Variants in MTRR observed in about 807,000 individuals in gnomAD.
MTRR encodes methionine synthase reductase.
In MTRR, 63 loss-of-function variants were observed where a neutral mutation model predicts 79.2. The ratio of observed to expected loss-of-function variants is 0.80; its 90% CI spans 0.65 to 0.98. The LOEUF is 0.98. Ranked by LOEUF, MTRR falls within the 50% of genes least tolerant of loss-of-function variation. The probability of loss-of-function intolerance (pLI) is 0.00; values close to 1 mark genes in which losing one functional copy is unlikely to be tolerated. For synonymous variants in MTRR, 355 were observed against 313.3 expected, an observed-to-expected ratio of 1.13 and a Z score of -1.41; for missense variants, 895 against 839.6, an observed-to-expected ratio of 1.07 and a Z score of -0.82.
rs1160859814 is a variant in MTRR at position 7,896,876 on chromosome 5, A to C, written c.1689A>C (p.Gln563His). 1 of 1,614,150 alleles carries C rather than the reference A, an allele frequency of 6.2e-7. No individual in the cohort carries two copies. The highest frequency in any genetic ancestry group is 8.5e-7 in the Non-Finnish European group (1 of 1,180,014). The change falls in exon 13 of 15, where the codon CAA becomes CAC. Residue 563 changes from glutamine (Q) to histidine (H), a missense_variant. Transcript: ENST00000440940. ...IGFLQHREKL[Q>H]EQHPDGNFGA... ...TTTTTCCACTTAGAGAGAAACTCCA[A>C]GAACAACACCCAGATGGAAATTTTG...
chr5:7,875,842 G>C (rs1323298480), intron 4 of MTRR, among the ~76,000 whole-genome samples: 1 of 152,370 alleles, frequency 6.6e-6, no homozygotes, highest in East Asian at 1.9e-4. Context: ...CTTACCGTCT[G>C]AACGGCCATT....
At chr5:7,859,380 A>G in intron 1 of MTRR, 1 of 1,097,930 alleles carries the variant, frequency 9.1e-7, no homozygotes, top group Non-Finnish European at 1.3e-6. Flanking sequence ...TTCTTTTAAT[A>G]CTGAGTTCCA....
At chr5:7,887,736 A>G (rs467102) in intron 8 of MTRR, among the ~76,000 whole-genome samples, 2 of 144,728 alleles carry the variant, frequency 1.4e-5, no homozygotes, top group Non-Finnish European at 3.0e-5. Flanking sequence ...GTATATGTGT[A>G]TATATATGTG....
intron 1 of MTRR, among the ~76,000 whole-genome samples, chr5:7,860,912 T>C (rs1201195348): frequency 2.0e-5 from 3 of 152,198 alleles, no homozygotes; most frequent in African/African-American, 7.2e-5. Flanking sequence ...GCAGCAAGAA[T>C]ATGTAACTGT....
Position 7,892,707 on chromosome 5 carries a change from T to C in MTRR, c.1371-20T>C, listed in dbSNP as rs1737810323. The stretch of plus-strand genomic sequence containing the variant: ...GTAGTACTGATATCGAGTTCAAAAC[T>C]TGTCTGTGTATCTTTGCAGCTCAAG... On this transcript the variant is annotated intron_variant, in intron 10 of 14. Transcript: ENST00000440940. The C allele has an allele frequency of 1.2e-6, 2 of 1,614,064 alleles. No homozygotes were observed. Among genetic ancestry groups the C allele is most frequent in the Non-Finnish European group, 1.7e-6 (2 of 1,179,906 alleles).
intron 5 of MTRR, 97 bp downstream of exon 5, chr5:7,878,419 A>G: frequency 6.7e-7 from 1 of 1,482,128 alleles, no homozygotes; most frequent in Non-Finnish European, 9.3e-7. Context: ...AGGTCAACAA[A>G]CTATGGCTTA....
At chr5:7,867,975 C>T (rs772372098), upstream of MTRR, 14 of 1,614,146 alleles carry the variant, frequency 8.7e-6, no homozygotes, top group South Asian at 1.3e-4. Flanking sequence ...CGCTCCTTGA[C>T]TACCTTGTGA....
intron 1 of MTRR, among the ~76,000 whole-genome samples, chr5:7,855,674 T>C (rs1746226153): frequency 6.6e-6 from 1 of 152,170 alleles, no homozygotes; most frequent in Non-Finnish European, 1.5e-5. Context: ...TTCTTATACT[T>C]TTCTTTCAAT....
At chr5:7,868,229 G>A (rs1315460142), upstream of MTRR, 1 of 599,936 alleles carries the variant, frequency 1.7e-6, no homozygotes, top group African/African-American at 2.0e-5. Flanking sequence ...AAAAAGGATG[G>A]TTAACATATA....
At chr5:7,867,580 CT>C (rs1561112119), upstream of MTRR, 1 of 1,614,254 alleles carries the variant, frequency 6.2e-7, no homozygotes, top group Admixed American at 1.7e-5. Flanking sequence ...GTGAGGGCTC[CT>C]TTTCAAACTG....
intron 2 of MTRR, chr5:7,872,252 T>G (rs1748122319): frequency 2.2e-6 from 1 of 454,770 alleles, no homozygotes; most frequent in Middle Eastern, 3.3e-4. Context: ...GGTGAATTAT[T>G]TGGAGCCAAA....
chr5:7,875,134 T>C, intron 3 of MTRR, 124 bp from the exon 4 acceptor site: 2 of 754,376 alleles, frequency 2.7e-6, no homozygotes, highest in Admixed American at 3.8e-5. Context: ...AATGTGAAGC[T>C]CTGCATTATT....
intron 1 of MTRR, chr5:7,869,952 C>T (rs934836500): frequency 7.1e-6 from 6 of 846,646 alleles, no homozygotes; most frequent in African/African-American, 3.7e-5. Flanking sequence ...CTGGGCGGTT[C>T]ATTCACCGAA....
upstream of MTRR, among the ~76,000 whole-genome samples, chr5:7,866,427 G>A (rs1180429226): frequency 6.6e-6 from 1 of 152,046 alleles, no homozygotes; most frequent in African/African-American, 2.4e-5. Flanking sequence ...TCTCAGATAA[G>A]GCAAAAGTCA....
upstream of MTRR, chr5:7,851,084 C>A: frequency 8.1e-7 from 1 of 1,234,304 alleles, no homozygotes; most frequent in South Asian, 3.9e-5. Flanking sequence ...GGGGCCCAGT[C>A]GGAGTCTGCA....
intron 2 of MTRR, among the ~76,000 whole-genome samples, chr5:7,872,063 G>A (rs143246889): frequency 9.2e-5 from 14 of 151,838 alleles, no homozygotes; most frequent in African/African-American, 2.2e-4. Flanking sequence ...TGATGGTTTC[G>A]TCTAGCTGTT....
At chr5:7,885,331 G>A (rs961099703) in intron 6 of MTRR, 6 of 213,592 alleles carry the variant, frequency 2.8e-5, no homozygotes, top group East Asian at 1.3e-4. Context: ...GTATGTTTTC[G>A]TGTGTGTGTG....
chr5:7,895,068 G>T (rs544989815), intron 11 of MTRR, among the ~76,000 whole-genome samples: 19 of 152,328 alleles, frequency 1.2e-4, no homozygotes, highest in African/African-American at 4.6e-4. Context: ...ACCATGCAAG[G>T]TGGAGGGGAA....
intron 3 of MTRR, among the ~76,000 whole-genome samples, chr5:7,873,841 G>C (rs578194157): frequency 2.0e-5 from 3 of 152,266 alleles, no homozygotes; most frequent in African/African-American, 7.2e-5. Flanking sequence ...AGTCCTTGAA[G>C]AAGCAACCCC....
Sources: gnomAD v4.1 joint callset for allele counts (sites outside exome capture counted in the v4.1 genomes callset) on GRCh38, gnomAD v4.1.1 for gene constraint, MANE v1.5 for transcripts, NCBI Gene and HGNC (gene_info 2026-07-23, HGNC 2026-07-21) for gene names.